The following XKR6 variants were observed in gnomAD, a reference collection of about 807,000 sequenced individuals.
XKR6 encodes XK related 6, also known as XK-related protein 6.
XKR6 carries 22 observed loss-of-function variants against 56.7 expected under a neutral mutation model. The observed-to-expected ratio is 0.39, with a 90% CI of 0.28 to 0.55. The LOEUF is 0.55. XKR6 is among the 20% of genes least tolerant of loss of function. XKR6 has a pLI of 0.66. For synonymous variants in XKR6, 524 were observed against 387.8 expected, an observed-to-expected ratio of 1.35 and a Z score of -4.13; for missense variants, 852 against 889.0, an observed-to-expected ratio of 0.96 and a Z score of 0.53.
intron 1 of XKR6, among the ~76,000 whole-genome samples, chr8:11,104,431 G>A (rs779692646): frequency 3.9e-5 from 6 of 152,196 alleles, no homozygotes; most frequent in Non-Finnish European, 7.3e-5. Context: ...TCAATCGGGC[G>A]AGATATAAAA....
At chr8:10,969,949 C>T (rs955679458) in intron 1 of XKR6, among the ~76,000 whole-genome samples, 9 of 152,256 alleles carry the variant, frequency 5.9e-5, no homozygotes, top group Admixed American at 5.2e-4. Context: ...CATGTGGGGT[C>T]TCTACCGAAA....
chr8:11,136,464 A>T lies in XKR6; in HGVS notation c.764+64112T>A, dbSNP rs1800404786. On this transcript the variant is annotated intron_variant, in intron 1 of 2. Transcript: ENST00000416569. ...GGTTGTGGTGAGCCAAGATTGCGCC[A>T]TTGCACTCCAGCCCGGGCAACAAAA... Among the ~76,000 whole-genome samples, 3 of 149,198 alleles carry T rather than the reference A, an allele frequency of 2.0e-5. No homozygotes were observed. The South Asian group carries it at 6.5e-4, about 32-fold the overall frequency.
chr8:10,994,242 C>T (rs1482346493), intron 1 of XKR6, among the ~76,000 whole-genome samples: 4 of 152,238 alleles, frequency 2.6e-5, no homozygotes, highest in African/African-American at 4.8e-5. Flanking sequence ...CTGAGCTTTT[C>T]GTGCACCTTC....
At chr8:11,164,063 C>T (rs1033978867) in intron 1 of XKR6, among the ~76,000 whole-genome samples, 3 of 152,188 alleles carry the variant, frequency 2.0e-5, no homozygotes, top group African/African-American at 7.2e-5. Flanking sequence ...TACAATCCCC[C>T]TGCCTACAGT....
intron 1 of XKR6, among the ~76,000 whole-genome samples, chr8:11,100,445 T>C (rs1189023647): frequency 1.3e-5 from 2 of 152,240 alleles, no homozygotes; most frequent in African/African-American, 4.8e-5. Context: ...AGACTTTGTG[T>C]TCCACTCATT....
intron 1 of XKR6, among the ~76,000 whole-genome samples, chr8:11,084,700 A>G (rs142648088): frequency 1.1e-4 from 16 of 152,166 alleles, no homozygotes; most frequent in South Asian, 8.3e-4. Flanking sequence ...TGTGGGAGCT[A>G]TTTTTTCCCT....
chr8:11,049,801 T>A (rs576577552), intron 1 of XKR6, among the ~76,000 whole-genome samples: 1 of 152,346 alleles, frequency 6.6e-6, no homozygotes, highest in Admixed American at 6.5e-5. Context: ...ATTTTTCTAG[T>A]CTTTTCCTAC....
At chr8:11,161,211 C>T (rs1013056679) in intron 1 of XKR6, among the ~76,000 whole-genome samples, 1 of 152,152 alleles carries the variant, frequency 6.6e-6, no homozygotes, top group African/African-American at 2.4e-5. Flanking sequence ...CCAACACAAA[C>T]GCTTCCGAGT....
chr8:10,921,621 T>A (rs1246873140), intron 2 of XKR6, among the ~76,000 whole-genome samples: 1 of 152,174 alleles, frequency 6.6e-6, no homozygotes, highest in African/African-American at 2.4e-5. Flanking sequence ...AAGATGAAGG[T>A]CCAAAATCAC....
intron 1 of XKR6, among the ~76,000 whole-genome samples, chr8:11,045,950 A>T (rs538163026): frequency 1.8e-4 from 28 of 152,348 alleles, no homozygotes; most frequent in Middle Eastern, 6.8e-3. Flanking sequence ...GTTGTCAAGG[A>T]TGCAGAGAAA....
chr8:11,161,094 T>A (rs973917359), intron 1 of XKR6, among the ~76,000 whole-genome samples: 1 of 152,110 alleles, frequency 6.6e-6, no homozygotes, highest in Non-Finnish European at 1.5e-5. Flanking sequence ...AGAGGACTTG[T>A]TAAAACATCC....
chr8:10,949,582 G>A (rs1164067378), intron 1 of XKR6, among the ~76,000 whole-genome samples: 2 of 152,196 alleles, frequency 1.3e-5, no homozygotes, highest in African/African-American at 4.8e-5. Flanking sequence ...CCAGACACTC[G>A]AGGCTAGCGG....
At chr8:11,007,647 C>T (rs1036009347) in intron 1 of XKR6, among the ~76,000 whole-genome samples, 3 of 152,058 alleles carry the variant, frequency 2.0e-5, no homozygotes, top group Non-Finnish European at 2.9e-5. Flanking sequence ...AAAGCACACT[C>T]GGTGGAAGAG....
chr8:11,012,051 T>A (rs1208414254), intron 1 of XKR6, among the ~76,000 whole-genome samples: 2 of 152,180 alleles, frequency 1.3e-5, no homozygotes, highest in East Asian at 1.9e-4. Context: ...CACTAAGGAC[T>A]CTGAAGAGGA....
At chr8:10,909,199 G>C (rs1018545701) in intron 2 of XKR6, among the ~76,000 whole-genome samples, 35 of 150,658 alleles carry the variant, frequency 2.3e-4, no homozygotes, top group Non-Finnish European at 2.1e-4. Context: ...CCTGAGCTCT[G>C]TCTCTCTCTC....
chr8:11,162,912 T>C (rs1035094504), intron 1 of XKR6, among the ~76,000 whole-genome samples: 1 of 152,262 alleles, frequency 6.6e-6, no homozygotes, highest in Non-Finnish European at 1.5e-5. Context: ...ACAGAAATTT[T>C]TGCTAATTCA....
intron 1 of XKR6, among the ~76,000 whole-genome samples, chr8:11,148,647 A>G (rs1186197768): frequency 3.3e-5 from 5 of 152,208 alleles, no homozygotes; most frequent in East Asian, 1.9e-4. Flanking sequence ...ACATATACCT[A>G]TCATATGATC....
chr8:11,190,982 A>G (rs1388946673), intron 1 of XKR6, among the ~76,000 whole-genome samples: 1 of 152,178 alleles, frequency 6.6e-6, no homozygotes, highest in African/African-American at 2.4e-5. Context: ...TTTTTGTCAT[A>G]CATTCTAACA....
At chr8:11,084,883 G>T (rs908066465) in intron 1 of XKR6, among the ~76,000 whole-genome samples, 1 of 152,138 alleles carries the variant, frequency 6.6e-6, no homozygotes, top group Non-Finnish European at 1.5e-5. Context: ...TCACATATTT[G>T]CAGTTGGTCA....
Sources: allele counts gnomAD v4.1 joint callset (sites outside exome capture counted in the v4.1 genomes callset), GRCh38; gene constraint gnomAD v4.1.1; transcripts MANE v1.5; gene names NCBI Gene and HGNC (gene_info 2026-07-23, HGNC 2026-07-21).